RAP1A: variants seen among roughly 807,000 people sequenced by gnomAD.
RAP1A encodes RAP1A, member of RAS oncogene family.
A neutral mutation model predicts 26.4 loss-of-function variants in RAP1A; 6 were observed. The ratio of observed to expected loss-of-function variants is 0.23; its 90% CI spans 0.12 to 0.45. The LOEUF (loss-of-function observed/expected upper bound fraction) is 0.45. RAP1A is among the 20% of genes least tolerant of loss of function. The pLI is 0.99. For synonymous variants in RAP1A, 73 were observed against 79.4 expected (o/e 0.92, Z 0.43); for missense variants, 121 against 217.2 (o/e 0.56, Z 2.78).
At chr1:111,673,168 G>T (rs570376047) in intron 1 of RAP1A, among the ~76,000 whole-genome samples, 1 of 152,198 alleles carries the variant, frequency 6.6e-6, no homozygotes, top group Non-Finnish European at 1.5e-5. Context: ...CCTTTGTTGT[G>T]GAAAGTTAAA....
intron 1 of RAP1A, among the ~76,000 whole-genome samples, chr1:111,626,679 T>A (rs1257116053): frequency 2.0e-5 from 3 of 152,224 alleles, no homozygotes; most frequent in African/African-American, 7.2e-5. Flanking sequence ...ATGATGTGTT[T>A]ATAAGGCAAC....
chr1:111,545,927 C>T (rs1397854648), intron 1 of RAP1A, among the ~76,000 whole-genome samples: 1 of 152,088 alleles, frequency 6.6e-6, no homozygotes, highest in African/African-American at 2.4e-5. Flanking sequence ...ATCAATTGTC[C>T]ACAGGTGGAT....
intron 1 of RAP1A, among the ~76,000 whole-genome samples, chr1:111,567,167 G>A (rs939612814): frequency 1.3e-5 from 2 of 152,018 alleles, no homozygotes; most frequent in African/African-American, 2.4e-5. Flanking sequence ...TAGATAAATA[G>A]GTCATTGTAG....
rs769561056 is a variant in RAP1A at position 111,703,341 on chromosome 1, A to G, written c.189A>G (p.Gln63=). The change falls in exon 5 of 8, where the codon CAA becomes CAG. Residue 63 remains glutamine (Q), a synonymous_variant. Transcript: ENST00000369709. ...GCATATTTTTTAAATCATAGGAGCA[A>G]TTTACAGCAATGAGGGATTTGTATA... ...LEILDTAGTE[Q]FTAMRDLYMK... is the part of the protein sequence containing the mutation. 1.2e-5 allele frequency: 18 copies of G among 1,555,658 alleles called. No individual in the cohort carries two copies. Among genetic ancestry groups the G allele is most frequent in the South Asian group, 2.5e-5 (2 of 81,378 alleles).
At chr1:111,625,427 T>C (rs1659367465) in intron 1 of RAP1A, among the ~76,000 whole-genome samples, 2 of 152,218 alleles carry the variant, frequency 1.3e-5, no homozygotes, top group South Asian at 4.1e-4. Flanking sequence ...GCAGTTTATA[T>C]GACTCTAAGT....
chr1:111,580,675 T>C lies in RAP1A; in HGVS notation c.-28+38166T>C, dbSNP rs572626243. Among the ~76,000 whole-genome samples, 18 of 152,050 alleles carry C rather than the reference T, an allele frequency of 1.2e-4. No individual in the cohort carries two copies. The East Asian group carries it at 2.5e-3, about 21-fold the overall frequency. On this transcript the variant is annotated intron_variant, in intron 1 of 7. Coordinates refer to the RAP1A transcript ENST00000356415. ...CAGCCTGGCCAAGATGGTGAAACCC[T>C]ATCTCTACTGAAAGTACAAAAATTA...
chr1:111,688,026 CAAAAAAA>C (rs58107878), intron 1 of RAP1A, among the ~76,000 whole-genome samples: 32 of 51,710 alleles, frequency 6.2e-4, no homozygotes, highest in Admixed American at 1.2e-3. Flanking sequence ...GACCCTGTCT[CAAAAAAA>C]AAAAAAAAAA....
intron 1 of RAP1A, among the ~76,000 whole-genome samples, chr1:111,661,635 C>G (rs1031911901): frequency 1.3e-5 from 2 of 151,784 alleles, no homozygotes; most frequent in African/African-American, 4.8e-5. Context: ...CCTGTCTCAA[C>G]TAAAAATACA....
intron 1 of RAP1A, among the ~76,000 whole-genome samples, chr1:111,601,493 T>C (rs548990467): frequency 1.3e-5 from 2 of 152,296 alleles, no homozygotes; most frequent in African/African-American, 4.8e-5. Context: ...TTAACGTGAA[T>C]GGGGGTAAAG....
chr1:111,678,102 A>G (rs1661182014), intron 1 of RAP1A, among the ~76,000 whole-genome samples: 1 of 152,190 alleles, frequency 6.6e-6, no homozygotes. Context: ...TTTTAAAACC[A>G]TATTAGCTTT....
At chr1:111,640,101 C>T (rs1355963081) in intron 1 of RAP1A, among the ~76,000 whole-genome samples, 6 of 152,224 alleles carry the variant, frequency 3.9e-5, no homozygotes, top group African/African-American at 1.4e-4. Flanking sequence ...CTCATTATCA[C>T]TTAGACCTTT....
intron 1 of RAP1A, among the ~76,000 whole-genome samples, chr1:111,611,291 A>G (rs533430951): frequency 1.3e-5 from 2 of 152,236 alleles, no homozygotes; most frequent in Non-Finnish European, 2.9e-5. Flanking sequence ...GGGTTCAAGT[A>G]TCAGGCACTA....
chr1:111,690,420 G>A (rs1661633517), intron 1 of RAP1A, among the ~76,000 whole-genome samples: 1 of 152,212 alleles, frequency 6.6e-6, no homozygotes. Context: ...AATTTTATAT[G>A]CTTAGCTTCC....
intron 1 of RAP1A, among the ~76,000 whole-genome samples, chr1:111,671,147 G>A (rs1051749580): frequency 6.6e-6 from 1 of 152,192 alleles, no homozygotes; most frequent in East Asian, 1.9e-4. Flanking sequence ...TGGAAACCTT[G>A]TATTTTTAAA....
intron 1 of RAP1A, among the ~76,000 whole-genome samples, chr1:111,562,921 T>A (rs1657796120): frequency 6.6e-6 from 1 of 152,218 alleles, no homozygotes; most frequent in African/African-American, 2.4e-5. Context: ...AAAAGATACA[T>A]TGATTAGTCT....
chr1:111,626,413 A>G (rs1659400854), intron 1 of RAP1A, among the ~76,000 whole-genome samples: 1 of 152,098 alleles, frequency 6.6e-6, no homozygotes, highest in African/African-American at 2.4e-5. Flanking sequence ...ATGCATGTAT[A>G]TACACACGTT....
At chr1:111,619,987 G>A (rs1304585539) in intron 1 of RAP1A, 53 bp downstream of exon 1, 10 of 396,884 alleles carry the variant, frequency 2.5e-5, no homozygotes, top group Non-Finnish European at 4.4e-5. Context: ...GGGGGGCGCG[G>A]GTCGGCCGAG....
At chr1:111,583,512 T>A (rs1658302903) in intron 1 of RAP1A, among the ~76,000 whole-genome samples, 1 of 152,106 alleles carries the variant, frequency 6.6e-6, no homozygotes, top group African/African-American at 2.4e-5. Flanking sequence ...ATGTATCATT[T>A]TCAGGTCACG....
chr1:111,545,803 T>C (rs1657014087), intron 1 of RAP1A, among the ~76,000 whole-genome samples: 1 of 152,140 alleles, frequency 6.6e-6, no homozygotes, highest in South Asian at 2.1e-4. Flanking sequence ...TTGTATACAG[T>C]GTAAGCTGGG....
Sources: allele counts gnomAD v4.1 joint callset (sites outside exome capture counted in the v4.1 genomes callset), GRCh38; gene constraint gnomAD v4.1.1; transcripts MANE v1.5; gene names NCBI Gene and HGNC (gene_info 2026-07-23, HGNC 2026-07-21).